Variants in PCDHGB3 observed in about 807,000 individuals in gnomAD.
PCDHGB3 encodes protocadherin gamma-B3.
In PCDHGB3, 40 loss-of-function variants were observed where a neutral mutation model predicts 59.2. The ratio of observed to expected loss-of-function variants is 0.68; its 90% confidence interval spans 0.52 to 0.88. The LOEUF is 0.88. Ranked by LOEUF, PCDHGB3 falls within the 40% of genes least tolerant of loss-of-function variation. PCDHGB3 has a pLI of 0.00. For missense variants in PCDHGB3, 1,309 were observed against 1,187.9 expected (o/e 1.10, Z -1.50); for synonymous variants, 581 against 503.6 (o/e 1.15, Z -2.06).
chr5:141,413,984 C>T (rs898207454), intron 1 of PCDHGB3: 2 of 1,613,300 alleles, frequency 1.2e-6, no homozygotes, highest in African/African-American at 2.7e-5. Flanking sequence ...ACAGTCACAG[C>T]CACCGACAGG....
rs143168452 is a variant in PCDHGB3 at position 141,504,127 on chromosome 5, C to T, written c.2475-1266C>T. Among the ~76,000 whole-genome samples the T allele has an allele frequency of 1.3e-3, 195 of 152,220 alleles. 2 individuals carry two copies. The highest frequency in any genetic ancestry group is 4.4e-3 in the African/African-American group (181 of 41,520). On this transcript the variant is annotated intron_variant, in intron 2 of 3. Transcript: ENST00000576222. ...CTGTGTGTGTGCCAGGGCTGTTTCC[C>T]GCCAACACTCCCCTGCAAATTGAAA...
At chr5:141,413,248 G>C in intron 1 of PCDHGB3, 1 of 1,613,962 alleles carries the variant, frequency 6.2e-7, no homozygotes, top group Non-Finnish European at 8.5e-7. Context: ...CCTTTTCTTC[G>C]GGATTCCATG....
chr5:141,479,277 TC>T (rs2099491823), intron 1 of PCDHGB3: 1 of 152,362 alleles, frequency 6.6e-6, no homozygotes, highest in African/African-American at 2.4e-5. Flanking sequence ...ATAATTTATT[TC>T]AAAAATAAAT....
At chr5:141,413,295 T>C in intron 1 of PCDHGB3, 1 of 1,613,940 alleles carries the variant, frequency 6.2e-7, no homozygotes, top group Middle Eastern at 1.7e-4. Context: ...ACTCAATTCC[T>C]GAGGAATTAG....
intron 2 of PCDHGB3, 164 bp downstream of exon 2, chr5:141,495,029 G>A: frequency 2.1e-6 from 2 of 968,864 alleles, no homozygotes; most frequent in Non-Finnish European, 2.5e-6. Flanking sequence ...ACAGACCCCG[G>A]AAGGAAGAGG....
Position 141,418,146 on chromosome 5 carries a change from G to A in PCDHGB3, c.2415+45337G>A, listed in dbSNP as rs755513829. The A allele has an allele frequency of 1.1e-5, 18 of 1,613,970 alleles. No homozygotes were observed. In the South Asian group the frequency reaches 1.6e-4, roughly 15 times the overall value. ...GACCGAATAGACCGTGAGCAAATAT[G>A]CAAAGAGAGAAGAAGATGTGAGTTG... is the stretch of plus-strand genomic sequence containing the variant. On this transcript the variant is annotated intron_variant, in intron 1 of 3. Transcript: ENST00000576222.
intron 1 of PCDHGB3, chr5:141,388,545 C>T (rs1293366202): frequency 6.2e-7 from 1 of 1,613,680 alleles, no homozygotes; most frequent in Non-Finnish European, 8.5e-7. Flanking sequence ...TGGAGCTCCA[C>T]CCCTAAGCAG....
At chr5:141,405,352 T>C (rs747137239) in intron 1 of PCDHGB3, 12 of 1,614,170 alleles carry the variant, frequency 7.4e-6, no homozygotes, top group Middle Eastern at 1.6e-4. Flanking sequence ...CCAAGTTTCC[T>C]ATAGAAGACA....
At chr5:141,452,380 G>A (rs1003689226) in intron 1 of PCDHGB3, among the ~76,000 whole-genome samples, 2 of 152,192 alleles carry the variant, frequency 1.3e-5, no homozygotes, top group Admixed American at 1.3e-4. Context: ...GTAGGGAATA[G>A]TATTTAGAAA....
chr5:141,383,979 A>C (rs1388219452), intron 1 of PCDHGB3: 1 of 1,613,678 alleles, frequency 6.2e-7, no homozygotes, highest in Non-Finnish European at 8.5e-7. Context: ...CTGAAGACAC[A>C]CCTCTTGGGA....
At chr5:141,427,856 C>T (rs1487451079) in intron 1 of PCDHGB3, 6 of 1,553,060 alleles carry the variant, frequency 3.9e-6, no homozygotes, top group Non-Finnish European at 5.3e-6. Flanking sequence ...AGCAGCTGTG[C>T]GCCTTCGAGC....
intron 1 of PCDHGB3, chr5:141,478,595 T>A: frequency 6.4e-7 from 1 of 1,567,880 alleles, no homozygotes; most frequent in Non-Finnish European, 8.7e-7. Flanking sequence ...TTTTTATTCC[T>A]ACATCATATT....
rs1245735294 is a variant in PCDHGB3, at chr5:141,397,953, C to T, written c.2415+25144C>T. 6.2e-6 allele frequency: 6 copies of T among 961,992 alleles called. No homozygotes were observed. In the Admixed American group the frequency reaches 1.2e-4, roughly 19 times the overall value. The allele number at this position is 961,992 out of a possible 1,614,324, so 59.6% of individuals were successfully genotyped here. ...CCGCAGCGCGCTTTCCAGGGCAGCC[C>T]CAGCTCAGACTCCCCAGCGCCGGCC... On this transcript the variant is annotated intron_variant, in intron 1 of 3. Transcript: ENST00000576222.
At chr5:141,457,522 G>A (rs1200640017) in intron 1 of PCDHGB3, among the ~76,000 whole-genome samples, 1 of 152,188 alleles carries the variant, frequency 6.6e-6, no homozygotes, top group Non-Finnish European at 1.5e-5. Flanking sequence ...AACAATTAAT[G>A]AGACTAGGGT....
rs777566456 is a variant in PCDHGB3, at chr5:141,405,216, A to G, written c.2415+32407A>G. On this transcript the variant is annotated intron_variant, in intron 1 of 3. Coordinates refer to ENST00000576222, the MANE Select transcript of PCDHGB3 (RefSeq NM_018924.5). ...CGAGCTTTCCTACAGACCTATTCTCAGGAGTTCTCCCTCACCGCTGACTCA... is the reference window on the plus strand; with the variant it reads ...CGAGCTTTCCTACAGACCTATTCTCGGGAGTTCTCCCTCACCGCTGACTCA... 27 of 1,613,806 alleles carry G rather than the reference A, an allele frequency of 1.7e-5. No individual in the cohort carries two copies. In the Admixed American group the frequency reaches 2.7e-4, roughly 16 times the overall value.
Position 141,386,595 on chromosome 5 carries a change from A to AT in PCDHGB3, c.2415+13798dup, listed in dbSNP as rs373179212. On this transcript the variant is annotated intron_variant, in intron 1 of 3. Coordinates refer to ENST00000576222, the MANE Select transcript of PCDHGB3 (RefSeq NM_018924.5). ...CTCTGTACAATAGTGTGGGGGATAC[A>AT]TTTTTTTTTTTTGACATGGAGTCTC... Among the ~76,000 whole-genome samples, 373 of 146,122 alleles carry AT rather than the reference A, an allele frequency of 2.6e-3. 1 individual carries two copies. The highest frequency in any genetic ancestry group is 0.012 in the East Asian group (62 of 5,036).
At chr5:141,410,804 T>A in intron 1 of PCDHGB3, 1 of 674,100 alleles carries the variant, frequency 1.5e-6, no homozygotes, top group Non-Finnish European at 2.3e-6. Flanking sequence ...TTGCTCTATC[T>A]TTTTGTAAAA....
intron 1 of PCDHGB3, chr5:141,394,336 A>G (rs1205005872): frequency 1.9e-6 from 3 of 1,613,704 alleles, no homozygotes; most frequent in Non-Finnish European, 1.7e-6. Context: ...ATCTCCATCA[A>G]CTCTGACACC....
chr5:141,409,669 C>A, intron 1 of PCDHGB3: 1 of 1,613,528 alleles, frequency 6.2e-7, no homozygotes, highest in Non-Finnish European at 8.5e-7. Context: ...ACATCTCCTA[C>A]TCTATAGTGG....
Sources: gnomAD v4.1 joint callset for allele counts (sites outside exome capture counted in the v4.1 genomes callset) on GRCh38, gnomAD v4.1.1 for gene constraint, MANE v1.5 for transcripts, NCBI Gene and HGNC (gene_info 2026-07-23, HGNC 2026-07-21) for gene names.